TTC29: variants seen among roughly 807,000 people sequenced by gnomAD.
TTC29 encodes tetratricopeptide repeat protein 29.
In TTC29, 49 loss-of-function variants were observed where a neutral mutation model predicts 58.1. The observed-to-expected ratio is 0.84, with a 90% CI of 0.67 to 1.07. The LOEUF (loss-of-function observed/expected upper bound fraction) is 1.07, where lower values mean the gene tolerates loss of function less well. TTC29 is among the 50% of genes least tolerant of loss of function. The pLI, the probability that TTC29 is intolerant of heterozygous loss-of-function variation, is 0.00. For missense variants in TTC29, 582 were observed against 555.6 expected (o/e 1.05, Z -0.48); for synonymous variants, 209 against 196.8 (o/e 1.06, Z -0.52).
At chr4:146,865,186 C>T (rs971614869) in intron 8 of TTC29, among the ~76,000 whole-genome samples, 5 of 152,150 alleles carry the variant, frequency 3.3e-5, no homozygotes, top group African/African-American at 1.2e-4. Context: ...CTATTCATTA[C>T]TAGACTATCC....
At chr4:146,825,622 T>C (rs1419001646) in intron 9 of TTC29, among the ~76,000 whole-genome samples, 2 of 152,208 alleles carry the variant, frequency 1.3e-5, no homozygotes, top group African/African-American at 4.8e-5. Flanking sequence ...CTAGGTCCAC[T>C]TGATCCAGAG....
intron 9 of TTC29, among the ~76,000 whole-genome samples, chr4:146,832,247 C>T (rs773534440): frequency 6.6e-6 from 1 of 152,172 alleles, no homozygotes; most frequent in Non-Finnish European, 1.5e-5. Context: ...GTACAATCAA[C>T]AGAGTTGATT....
At chr4:146,915,430 A>G (rs946750664) in intron 4 of TTC29, among the ~76,000 whole-genome samples, 2 of 151,978 alleles carry the variant, frequency 1.3e-5, no homozygotes, top group African/African-American at 2.4e-5. Context: ...CCCCCAGAAA[A>G]TCCTTCTCTT....
chr4:146,874,314 T>A (rs2150221739), intron 7 of TTC29, among the ~76,000 whole-genome samples: 1 of 152,250 alleles, frequency 6.6e-6, no homozygotes, highest in Admixed American at 6.5e-5. Context: ...TAAATATATA[T>A]CATATTTTCC....
chr4:146,772,413 A>G (rs1238517325), intron 11 of TTC29, among the ~76,000 whole-genome samples: 6 of 151,814 alleles, frequency 4.0e-5, no homozygotes, highest in Admixed American at 3.9e-4. Context: ...TTTGTATATG[A>G]TGTAAGAAAG....
chr4:146,939,668 A>C, intron 3 of TTC29, 136 bp downstream of exon 3: 1 of 755,270 alleles, frequency 1.3e-6, no homozygotes, highest in Non-Finnish European at 2.1e-6. Flanking sequence ...GAAACAGCAG[A>C]TTTCAATATT....
intron 6 of TTC29, among the ~76,000 whole-genome samples, chr4:146,898,104 A>G (rs555596661): frequency 5.3e-5 from 8 of 152,352 alleles, no homozygotes; most frequent in Admixed American, 3.3e-4. Flanking sequence ...ACAAAATCAC[A>G]TAGTGTCATG....
At chr4:146,805,284 C>A (rs1304667320) in intron 10 of TTC29, among the ~76,000 whole-genome samples, 8 of 152,184 alleles carry the variant, frequency 5.3e-5, no homozygotes, top group East Asian at 1.9e-4. Flanking sequence ...GAGGAAAAAA[C>A]CACACAAAAA....
At chr4:146,811,476 C>G (rs1751020025) in intron 10 of TTC29, among the ~76,000 whole-genome samples, 1 of 152,060 alleles carries the variant, frequency 6.6e-6, no homozygotes, top group Non-Finnish European at 1.5e-5. Context: ...ACTTCTAACC[C>G]TTTAGGCTCC....
At chr4:146,731,563 G>C (rs771073955) in intron 11 of TTC29, among the ~76,000 whole-genome samples, 1 of 151,974 alleles carries the variant, frequency 6.6e-6, no homozygotes, top group African/African-American at 2.4e-5. Context: ...GACAAAGAAC[G>C]GACCACAGAG....
intron 7 of TTC29, among the ~76,000 whole-genome samples, chr4:146,868,365 A>G (rs1035248902): frequency 3.3e-5 from 5 of 152,158 alleles, no homozygotes; most frequent in Non-Finnish European, 5.9e-5. Flanking sequence ...TAAAACTTAA[A>G]GTATAATAAT....
chr4:146,823,348 T>C (rs1397342025), intron 9 of TTC29, among the ~76,000 whole-genome samples: 1 of 152,230 alleles, frequency 6.6e-6, no homozygotes, highest in African/African-American at 2.4e-5. Flanking sequence ...CAGCACCATT[T>C]ACTGAATAGG....
At chr4:146,799,758 A>G (rs1750082714) in intron 11 of TTC29, among the ~76,000 whole-genome samples, 1 of 152,208 alleles carries the variant, frequency 6.6e-6, no homozygotes, top group African/African-American at 2.4e-5. Context: ...TTATCAGTGA[A>G]GTGGTTAACA....
At chr4:146,774,470 T>C (rs1747948981) in intron 11 of TTC29, among the ~76,000 whole-genome samples, 1 of 152,226 alleles carries the variant, frequency 6.6e-6, no homozygotes, top group Non-Finnish European at 1.5e-5. Flanking sequence ...TGCCTTAATT[T>C]CATTGTTTAC....
At chr4:146,920,131 A>T (rs1734484620) in intron 4 of TTC29, among the ~76,000 whole-genome samples, 1 of 151,166 alleles carries the variant, frequency 6.6e-6, no homozygotes, top group Non-Finnish European at 1.5e-5. Flanking sequence ...ATAATTCATG[A>T]TTCCCCATTA....
In TTC29 at chr4:146,728,816, T is replaced by C. The variant is rs1022193615; in HGVS notation, c.1331-21265A>G. 8.5e-4 allele frequency among the ~76,000 whole-genome samples: 39 copies of C among 46,108 alleles called. 1 individual carries two copies. The highest frequency in any genetic ancestry group is 7.4e-3 in the South Asian group (5 of 672). The allele number at this position is 46,108 out of a possible 152,430, so 30.2% of individuals were successfully genotyped here. Reference sequence around the variant, plus strand: ...ATACGTATATATACACATATATATGTGTATATATACATATATATACACATA... The same window carrying C: ...ATACGTATATATACACATATATATGCGTATATATACATATATATACACATA... On this transcript the variant is annotated intron_variant, in intron 11 of 12. Coordinates refer to ENST00000325106, the MANE Select transcript of TTC29 (RefSeq NM_031956.4).
intron 11 of TTC29, among the ~76,000 whole-genome samples, chr4:146,787,445 A>T (rs1749106098): frequency 6.6e-6 from 1 of 152,182 alleles, no homozygotes; most frequent in Non-Finnish European, 1.5e-5. Context: ...GCAAAAGCAA[A>T]ATACTTGAGT....
At chr4:146,903,268 G>A (rs572981439) in intron 6 of TTC29, among the ~76,000 whole-genome samples, 10 of 152,112 alleles carry the variant, frequency 6.6e-5, no homozygotes, top group African/African-American at 2.4e-4. Context: ...AGAGGGGTTG[G>A]GGAGAATGCT....
chr4:146,927,915 A>G (rs1735048013), intron 4 of TTC29, among the ~76,000 whole-genome samples: 2 of 152,190 alleles, frequency 1.3e-5, no homozygotes, highest in Admixed American at 1.3e-4. Context: ...TAGAGTACCA[A>G]TGATGCACAT....
Sources: gnomAD v4.1 joint callset for allele counts (sites outside exome capture counted in the v4.1 genomes callset) on GRCh38, gnomAD v4.1.1 for gene constraint, MANE v1.5 for transcripts, NCBI Gene and HGNC (gene_info 2026-07-23, HGNC 2026-07-21) for gene names.